The following SGMS1 variants were observed in gnomAD, a reference collection of about 807,000 sequenced individuals.
The protein encoded by SGMS1 is phosphatidylcholine:ceramide cholinephosphotransferase 1.
SGMS1 carries 13 observed loss-of-function variants against 46.2 expected under a neutral mutation model. That is an observed-to-expected ratio of 0.28 (90% CI 0.18 to 0.45). SGMS1 has a LOEUF of 0.45. Ranked by LOEUF, SGMS1 falls within the 20% of genes least tolerant of loss-of-function variation. SGMS1 has a pLI of 1.00. For missense variants in SGMS1, 324 were observed against 519.9 expected, an observed-to-expected ratio of 0.62 and a Z score of 3.66; for synonymous variants, 203 against 187.8, an observed-to-expected ratio of 1.08 and a Z score of -0.66.
At chr10:50,349,689 A>T (rs1564884205) in intron 6 of SGMS1, among the ~76,000 whole-genome samples, 1 of 152,138 alleles carries the variant, frequency 6.6e-6, no homozygotes, top group Non-Finnish European at 1.5e-5. Flanking sequence ...AATAAGCCTC[A>T]TGAGATCTGA....
chr10:50,614,217 T>A (rs902912665), intron 1 of SGMS1, among the ~76,000 whole-genome samples: 13 of 151,892 alleles, frequency 8.6e-5, no homozygotes, highest in Admixed American at 6.6e-4. Flanking sequence ...TTCTAATGAG[T>A]GCTGACTTAT....
intron 6 of SGMS1, among the ~76,000 whole-genome samples, chr10:50,344,685 C>T (rs1033656267): frequency 2.0e-5 from 3 of 151,856 alleles, no homozygotes; most frequent in Non-Finnish European, 2.9e-5. Context: ...CTGGCTAACA[C>T]GGTGAAACCC....
intron 6 of SGMS1, among the ~76,000 whole-genome samples, chr10:50,367,023 C>T (rs770225795): frequency 8.9e-4 from 136 of 152,126 alleles, no homozygotes; most frequent in Non-Finnish European, 1.6e-3. Flanking sequence ...AGCCAATAAA[C>T]ATATGAAAAA....
At chr10:50,580,747 G>A (rs1838425659) in intron 2 of SGMS1, among the ~76,000 whole-genome samples, 1 of 152,172 alleles carries the variant, frequency 6.6e-6, no homozygotes, top group Non-Finnish European at 1.5e-5. Flanking sequence ...GTTCCTACCA[G>A]GGGTTACAGG....
chr10:50,313,773 T>C (rs1451524582), intron 8 of SGMS1, among the ~76,000 whole-genome samples: 2 of 152,278 alleles, frequency 1.3e-5, no homozygotes, highest in East Asian at 3.9e-4. Flanking sequence ...AAGAAAATCT[T>C]TGTGGTGAAA....
intron 2 of SGMS1, among the ~76,000 whole-genome samples, chr10:50,578,228 T>A (rs1307569917): frequency 6.6e-6 from 1 of 152,154 alleles, no homozygotes; most frequent in Non-Finnish European, 1.5e-5. Context: ...TTATGAGGGA[T>A]CAAAACCACA....
At chr10:50,411,017 G>C (rs1009936416) in intron 6 of SGMS1, among the ~76,000 whole-genome samples, 2 of 152,122 alleles carry the variant, frequency 1.3e-5, no homozygotes, top group Non-Finnish European at 2.9e-5. Context: ...TTTGGAGTCA[G>C]GTCTTTCTTT....
At chr10:50,548,065 A>T (rs2133828039) in intron 2 of SGMS1, among the ~76,000 whole-genome samples, 1 of 152,288 alleles carries the variant, frequency 6.6e-6, no homozygotes, top group Non-Finnish European at 1.5e-5. Flanking sequence ...ACAAACCCAC[A>T]GCCAATATCA....
At chr10:50,445,438 CT>C (rs928365007) in intron 5 of SGMS1, among the ~76,000 whole-genome samples, 25 of 152,308 alleles carry the variant, frequency 1.6e-4, no homozygotes, top group African/African-American at 6.0e-4. Flanking sequence ...AATGGAGGGA[CT>C]GGCTGAAGCC....
At chr10:50,591,745 G>A (rs1168082997) in intron 1 of SGMS1, among the ~76,000 whole-genome samples, 5 of 152,028 alleles carry the variant, frequency 3.3e-5, no homozygotes, top group Admixed American at 1.3e-4. Context: ...TTTATAAAAC[G>A]CAAAATACAC....
At chr10:50,562,909 GAT>G (rs781532481) in intron 2 of SGMS1, among the ~76,000 whole-genome samples, 10 of 152,132 alleles carry the variant, frequency 6.6e-5, no homozygotes, top group African/African-American at 9.7e-5. Context: ...ATCTGCCTGT[GAT>G]TCCAGGTGCA....
intron 4 of SGMS1, among the ~76,000 whole-genome samples, chr10:50,464,236 T>G (rs913730401): frequency 3.3e-5 from 5 of 152,156 alleles, no homozygotes; most frequent in Non-Finnish European, 5.9e-5. Flanking sequence ...CCTAATGTAA[T>G]TACCAGGGTC....
intron 6 of SGMS1, among the ~76,000 whole-genome samples, chr10:50,418,758 T>C (rs542356509): frequency 6.6e-6 from 1 of 152,322 alleles, no homozygotes; most frequent in South Asian, 2.1e-4. Flanking sequence ...AGGTGGGACC[T>C]GGTATCAAAG....
chr10:50,559,304 C>A (rs1588876728), intron 2 of SGMS1, among the ~76,000 whole-genome samples: 3 of 152,174 alleles, frequency 2.0e-5, no homozygotes, highest in Admixed American at 6.5e-5. Context: ...AACCACACAG[C>A]CCACCCTGAC....
In SGMS1 at chr10:50,307,009, G is replaced by T; in HGVS notation, c.*133C>A. 1 of 873,868 alleles carries T rather than the reference G, an allele frequency of 1.1e-6. No homozygotes were observed. The highest frequency in any genetic ancestry group is 1.7e-6 in the Non-Finnish European group (1 of 586,170). 54.1% of individuals were successfully genotyped at this position (873,868 alleles called of 1,614,324 possible). Reference sequence around the variant, plus strand: ...AAAAAAAGATCACAGTGCTGACCAGGTAACTCAATAGGTTAAGTCAAGGTA... The same window carrying T: ...AAAAAAAGATCACAGTGCTGACCAGTTAACTCAATAGGTTAAGTCAAGGTA... On this transcript the variant is annotated 3_prime_UTR_variant, in exon 11 of 11. Transcript: ENST00000361781. This position sits in a 1 kb window ranked among gnomAD's most constrained non-coding sequence, Gnocchi z 4.2.
At chr10:50,359,255 C>T (rs915992944) in intron 6 of SGMS1, among the ~76,000 whole-genome samples, 1 of 152,172 alleles carries the variant, frequency 6.6e-6, no homozygotes, top group African/African-American at 2.4e-5. Flanking sequence ...GTCTCCTCCA[C>T]ACTGTGTTTA....
chr10:50,565,360 A>G (rs569940149), intron 2 of SGMS1, among the ~76,000 whole-genome samples: 10 of 152,202 alleles, frequency 6.6e-5, no homozygotes, highest in Non-Finnish European at 1.3e-4. Context: ...CTGCTGCTGT[A>G]AAAAAGATGA....
At chr10:50,402,561 G>A (rs1262552108) in intron 6 of SGMS1, among the ~76,000 whole-genome samples, 1 of 152,096 alleles carries the variant, frequency 6.6e-6, no homozygotes, top group Non-Finnish European at 1.5e-5. Flanking sequence ...CTTTCCATAT[G>A]TATGAATAAG....
chr10:50,337,371 T>C (rs1438149625), intron 7 of SGMS1, among the ~76,000 whole-genome samples: 2 of 152,288 alleles, frequency 1.3e-5, no homozygotes, highest in Non-Finnish European at 2.9e-5. Context: ...GGCTAATATA[T>C]AGTAAAGTGA....
Sources: allele counts gnomAD v4.1 joint callset (sites outside exome capture counted in the v4.1 genomes callset), GRCh38; gene constraint gnomAD v4.1.1; non-coding constraint Gnocchi (gnomAD v3.1); transcripts MANE v1.5; gene names NCBI Gene and HGNC (gene_info 2026-07-23, HGNC 2026-07-21).